The following ENOX1 variants were observed in gnomAD, a reference collection of about 807,000 sequenced individuals.
The protein encoded by ENOX1 is candidate growth-related and time keeping constitutive hydroquinone (NADH) oxidase.
Under a neutral mutation model 82.5 loss-of-function variants are expected in ENOX1, and 42 were observed. The observed-to-expected ratio is 0.51, with a 90% CI of 0.40 to 0.66. The LOEUF is 0.66. Ranked by LOEUF, ENOX1 falls within the 30% of genes least tolerant of loss-of-function variation. The probability of loss-of-function intolerance (pLI) is 0.00; values close to 1 mark genes in which losing one functional copy is unlikely to be tolerated. For missense variants in ENOX1, 608 were observed against 811.6 expected (o/e 0.75, Z 3.05); for synonymous variants, 271 against 282.2 (o/e 0.96, Z 0.40).
At chr13:43,581,806 G>A (rs901154392) in intron 2 of ENOX1, among the ~76,000 whole-genome samples, 3 of 151,934 alleles carry the variant, frequency 2.0e-5, no homozygotes, top group Non-Finnish European at 4.4e-5. Context: ...GTCAACATGG[G>A]GATACAAGAG....
At chr13:43,265,962 TTC>T (rs1186751301) in intron 13 of ENOX1, among the ~76,000 whole-genome samples, 3 of 152,226 alleles carry the variant, frequency 2.0e-5, no homozygotes, top group Non-Finnish European at 4.4e-5. Flanking sequence ...AGACGGTTGC[TTC>T]TTTGGTAGAG....
At chr13:43,356,654 C>T (rs1472269114) in intron 7 of ENOX1, among the ~76,000 whole-genome samples, 1 of 152,184 alleles carries the variant, frequency 6.6e-6, no homozygotes, top group Non-Finnish European at 1.5e-5. Flanking sequence ...CCAGACACCT[C>T]ACTCACAGGT....
chr13:43,465,761 G>A (rs1458646052), intron 3 of ENOX1, among the ~76,000 whole-genome samples: 1 of 152,160 alleles, frequency 6.6e-6, no homozygotes, highest in Non-Finnish European at 1.5e-5. Context: ...GAAGTTAGCT[G>A]ATATGTCCAA....
intron 5 of ENOX1, among the ~76,000 whole-genome samples, chr13:43,408,681 T>C (rs1429095119): frequency 1.3e-5 from 2 of 152,166 alleles, no homozygotes; most frequent in Non-Finnish European, 1.5e-5. Context: ...AGATATGTCA[T>C]GTAAACATAC....
At chr13:43,782,109 C>T (rs1952304362) in intron 1 of ENOX1, among the ~76,000 whole-genome samples, 1 of 152,046 alleles carries the variant, frequency 6.6e-6, no homozygotes. Flanking sequence ...GATATTCTAT[C>T]ATAGGAATGA....
intron 3 of ENOX1, among the ~76,000 whole-genome samples, chr13:43,445,102 G>A (rs1173114551): frequency 6.6e-6 from 1 of 150,982 alleles, no homozygotes; most frequent in South Asian, 2.1e-4. Flanking sequence ...CTATGTTCTA[G>A]AGAAATGTTT....
chr13:43,552,972 A>G (rs1456300354), intron 2 of ENOX1, among the ~76,000 whole-genome samples: 6 of 152,164 alleles, frequency 3.9e-5, no homozygotes, highest in African/African-American at 1.4e-4. Context: ...AGTCATGATA[A>G]AAAATGGGAG....
intron 7 of ENOX1, 72 bp downstream of exon 7, chr13:43,359,779 G>C (rs1162640356): frequency 7.1e-7 from 1 of 1,403,278 alleles, no homozygotes; most frequent in African/African-American, 1.4e-5. Context: ...GAAGGCCAAA[G>C]GGAATAAGCT....
rs542552450 is a variant in ENOX1, at chr13:43,365,549, T to A, written c.209-4097A>T. Among the ~76,000 whole-genome samples, 1,413 of 152,280 alleles carry A rather than the reference T, an allele frequency of 9.3e-3. 23 individuals carry two copies. The highest frequency in any genetic ancestry group is 0.031 in the African/African-American group (1,308 of 41,548). ...TACAGGTCACAGGGCCTGCACCCCC[T>A]GGTCCAGGGTTCAGACCCAGCCCAG... On this transcript the variant is annotated intron_variant, in intron 5 of 16. Coordinates refer to ENST00000690772, the MANE Select transcript of ENOX1 (RefSeq NM_001347969.2).
At chr13:43,583,819 TTTTC>T (rs2080856079) in intron 2 of ENOX1, among the ~76,000 whole-genome samples, 1 of 111,770 alleles carries the variant, frequency 8.9e-6, no homozygotes, top group African/African-American at 3.1e-5. Flanking sequence ...AGATATAAAC[TTTTC>T]TTTTTTTTTT....
At chr13:43,322,136 G>A (rs1377306416) in intron 11 of ENOX1, among the ~76,000 whole-genome samples, 1 of 152,170 alleles carries the variant, frequency 6.6e-6, no homozygotes. Flanking sequence ...CATGGAAACA[G>A]GCAAATATCC....
At chr13:43,427,198 G>A (rs983801841) in intron 3 of ENOX1, among the ~76,000 whole-genome samples, 18 of 152,066 alleles carry the variant, frequency 1.2e-4, no homozygotes, top group Admixed American at 9.2e-4. Flanking sequence ...ATGCCATTCC[G>A]TTACTCCTTA....
intron 2 of ENOX1, among the ~76,000 whole-genome samples, chr13:43,513,669 G>C (rs1324965034): frequency 6.6e-6 from 1 of 151,960 alleles, no homozygotes; most frequent in Non-Finnish European, 1.5e-5. Flanking sequence ...TAGATGATAG[G>C]TCAGGCTTTA....
chr13:43,456,492 C>T (rs533963054), intron 3 of ENOX1, among the ~76,000 whole-genome samples: 2 of 152,240 alleles, frequency 1.3e-5, no homozygotes, highest in South Asian at 4.1e-4. Flanking sequence ...GGGAATCTAA[C>T]CATTTCAACA....
chr13:43,471,625 A>C (rs201950939), intron 3 of ENOX1, among the ~76,000 whole-genome samples: 1 of 152,090 alleles, frequency 6.6e-6, no homozygotes, highest in East Asian at 1.9e-4. Context: ...TCTGGCTAAC[A>C]TGGTGAAAGC....
chr13:43,242,359 C>T (rs1431341052), intron 14 of ENOX1, among the ~76,000 whole-genome samples: 1 of 152,232 alleles, frequency 6.6e-6, no homozygotes, highest in African/African-American at 2.4e-5. Context: ...CTACTCTCTT[C>T]CTCCTCTTCT....
intron 2 of ENOX1, among the ~76,000 whole-genome samples, chr13:43,492,426 G>A (rs920945537): frequency 7.2e-5 from 11 of 152,234 alleles, no homozygotes; most frequent in Middle Eastern, 3.4e-3. Flanking sequence ...AAAAATTCCT[G>A]AGCAAATACA....
intron 2 of ENOX1, among the ~76,000 whole-genome samples, chr13:43,635,625 A>T (rs1259147938): frequency 6.6e-6 from 1 of 152,180 alleles, no homozygotes; most frequent in East Asian, 1.9e-4. Context: ...GAGAATGTCT[A>T]AAATTATCCA....
chr13:43,664,638 C>T (rs1019067499), intron 2 of ENOX1, among the ~76,000 whole-genome samples: 2 of 152,174 alleles, frequency 1.3e-5, no homozygotes, highest in African/African-American at 2.4e-5. Flanking sequence ...GACATGCCCA[C>T]AAGCCACACT....
Sources: allele counts gnomAD v4.1 joint callset (sites outside exome capture counted in the v4.1 genomes callset), GRCh38; gene constraint gnomAD v4.1.1; transcripts MANE v1.5; gene names NCBI Gene and HGNC (gene_info 2026-07-23, HGNC 2026-07-21).